The following TAFA1 variants were observed in gnomAD, a reference collection of about 807,000 sequenced individuals.
The protein encoded by TAFA1 is TAFA chemokine like family member 1, also known as chemokine-like protein TAFA-1.
Under a neutral mutation model 18.5 loss-of-function variants are expected in TAFA1, and 4 were observed. The ratio of observed to expected loss-of-function variants is 0.22; its 90% CI spans 0.11 to 0.49. The LOEUF is 0.49. TAFA1 is among the 20% of genes least tolerant of loss of function. The probability of loss-of-function intolerance (pLI) is 0.98; values close to 1 mark genes in which losing one functional copy is unlikely to be tolerated. For missense variants in TAFA1, 147 were observed against 169.0 expected (o/e 0.87, Z 0.72); for synonymous variants, 56 against 55.2 (o/e 1.01, Z -0.06).
At chr3:68,120,546 G>A (rs1014717785) in intron 2 of TAFA1, among the ~76,000 whole-genome samples, 4 of 152,048 alleles carry the variant, frequency 2.6e-5, no homozygotes, top group African/African-American at 9.7e-5. Context: ...ACTGCACGTG[G>A]CCAACCTCTA....
At chr3:68,467,902 A>T (rs1283108359) in intron 3 of TAFA1, among the ~76,000 whole-genome samples, 1 of 152,214 alleles carries the variant, frequency 6.6e-6, no homozygotes, top group Non-Finnish European at 1.5e-5. Flanking sequence ...TAGTTTGATC[A>T]ATGACAGAAT....
At chr3:68,291,601 G>A (rs970391535) in intron 2 of TAFA1, among the ~76,000 whole-genome samples, 1 of 151,682 alleles carries the variant, frequency 6.6e-6, no homozygotes, top group Non-Finnish European at 1.5e-5. Flanking sequence ...GTGAAAACGA[G>A]TCATTGTATA....
At chr3:68,219,770 T>C (rs1441824852) in intron 2 of TAFA1, among the ~76,000 whole-genome samples, 1 of 152,172 alleles carries the variant, frequency 6.6e-6, no homozygotes, top group East Asian at 1.9e-4. Flanking sequence ...TAATCACTTT[T>C]GCTGCCTACA....
At chr3:68,516,399 CCTT>C (rs1398223248) in intron 3 of TAFA1, among the ~76,000 whole-genome samples, 1 of 152,118 alleles carries the variant, frequency 6.6e-6, no homozygotes, top group Non-Finnish European at 1.5e-5. Context: ...ACTGAGCTGT[CCTT>C]CAAGAAATGT....
At chr3:68,409,723 C>T (rs772197348) in intron 2 of TAFA1, among the ~76,000 whole-genome samples, 22 of 152,084 alleles carry the variant, frequency 1.4e-4, no homozygotes, top group Non-Finnish European at 2.6e-4. Flanking sequence ...TGAAAAGGAC[C>T]GGACATTAGC....
intron 2 of TAFA1, among the ~76,000 whole-genome samples, chr3:68,067,916 T>C (rs1341204317): frequency 1.3e-5 from 2 of 151,726 alleles, no homozygotes; most frequent in African/African-American, 4.8e-5. Flanking sequence ...CTTACTCTAA[T>C]GAAGGAACTA....
chr3:68,283,239 A>G (rs1056628617), intron 2 of TAFA1, among the ~76,000 whole-genome samples: 1 of 152,150 alleles, frequency 6.6e-6, no homozygotes, highest in Non-Finnish European at 1.5e-5. Context: ...TTTGATAACT[A>G]TGTTAAAATG....
chr3:68,105,258 A>C (rs780452846), intron 2 of TAFA1, among the ~76,000 whole-genome samples: 1 of 152,146 alleles, frequency 6.6e-6, no homozygotes, highest in African/African-American at 2.4e-5. Context: ...TGGAGGGGAC[A>C]TTCAAAATAT....
intron 2 of TAFA1, among the ~76,000 whole-genome samples, chr3:68,273,239 T>C (rs2067712074): frequency 6.6e-6 from 1 of 152,060 alleles, no homozygotes; most frequent in Non-Finnish European, 1.5e-5. Flanking sequence ...GGAAAGCAAG[T>C]GCAAAGCCCC....
chr3:68,389,169 G>A (rs184016217), intron 2 of TAFA1, among the ~76,000 whole-genome samples: 6 of 152,176 alleles, frequency 3.9e-5, no homozygotes, highest in East Asian at 1.9e-4. Context: ...CTGCCTCGGG[G>A]GACTTTGTAT....
chr3:68,087,001 T>A (rs2064978174), intron 2 of TAFA1, among the ~76,000 whole-genome samples: 1 of 152,198 alleles, frequency 6.6e-6, no homozygotes. Context: ...AATAATTACA[T>A]TCTTGGGACT....
rs543396156 is a variant in TAFA1 at position 68,047,414 on chromosome 3, A to G, written c.118+40670A>G. Among the ~76,000 whole-genome samples, 4 of 152,326 alleles carry G rather than the reference A, an allele frequency of 2.6e-5. No homozygotes were observed. The East Asian group carries it at 7.7e-4, about 29-fold the overall frequency. ...ACCACAAAGGGATGGCATAGCAGCC[A>G]ACTGAATTTTCACAGAAGGGAAAGT... On this transcript the variant is annotated intron_variant, in intron 2 of 4. Coordinates refer to ENST00000478136, the MANE Select transcript of TAFA1 (RefSeq NM_213609.4).
At chr3:68,322,936 CT>C (rs2068717730) in intron 2 of TAFA1, among the ~76,000 whole-genome samples, 1 of 152,078 alleles carries the variant, frequency 6.6e-6, no homozygotes, top group African/African-American at 2.4e-5. Context: ...GAGCAAGACT[CT>C]GTCTCAAAAA....
At chr3:68,479,018 G>A (rs1559686276) in intron 3 of TAFA1, among the ~76,000 whole-genome samples, 2 of 150,274 alleles carry the variant, frequency 1.3e-5, no homozygotes. Flanking sequence ...GGATCACGAG[G>A]TCAAGAGATC....
At chr3:68,029,695 G>A (rs115845918) in intron 2 of TAFA1, among the ~76,000 whole-genome samples, 2,321 of 152,212 alleles carry the variant, frequency 0.015, 54 homozygotes, top group African/African-American at 0.051. Context: ...ATAAAGTAGC[G>A]GATGTACTCT....
intron 2 of TAFA1, among the ~76,000 whole-genome samples, chr3:68,274,061 G>A (rs146203136): frequency 1.1e-3 from 168 of 152,280 alleles, no homozygotes; most frequent in African/African-American, 3.8e-3. Context: ...AATAAGAAAT[G>A]AGTGCAAGTC....
chr3:68,213,852 A>T (rs1403099066), intron 2 of TAFA1, among the ~76,000 whole-genome samples: 2 of 152,098 alleles, frequency 1.3e-5, no homozygotes, highest in African/African-American at 4.8e-5. Context: ...TAGAGCCTTT[A>T]GCACATTCTT....
intron 2 of TAFA1, among the ~76,000 whole-genome samples, chr3:68,188,538 G>GAA (rs1016101228): frequency 1.3e-5 from 2 of 149,318 alleles, no homozygotes; most frequent in African/African-American, 4.9e-5. Flanking sequence ...GAGAGAGAGA[G>GAA]AGAGTACCAT....
Position 68,479,897 on chromosome 3 carries a change from A to C in TAFA1, c.260-58859A>C, listed in dbSNP as rs371484290. Among the ~76,000 whole-genome samples the C allele has an allele frequency of 9.6e-3, 1,450 of 150,666 alleles. 10 individuals are homozygous for C. Among genetic ancestry groups the C allele is most frequent in the Middle Eastern group, 0.021 (6 of 292 alleles). The stretch of plus-strand genomic sequence containing the variant: ...ACACGCATACACACACACACACACA[A>C]ACACACACATCACCACATTAGGGAG... On this transcript the variant is annotated intron_variant, in intron 3 of 4. Transcript: ENST00000478136.
Sources: allele counts gnomAD v4.1 joint callset (sites outside exome capture counted in the v4.1 genomes callset), GRCh38; gene constraint gnomAD v4.1.1; transcripts MANE v1.5; gene names NCBI Gene and HGNC (gene_info 2026-07-23, HGNC 2026-07-21).